Variants in PLD6 observed in about 807,000 individuals in gnomAD.
PLD6 encodes mitochondrial cardiolipin hydrolase.
A neutral mutation model predicts 9.7 loss-of-function variants in PLD6; 10 were observed. The observed-to-expected ratio is 1.03, with a 90% CI of 0.64 to 1.75. PLD6 has a LOEUF of 1.75. Among genes scored for constraint, PLD6 ranks in the 40% most tolerant of loss-of-function variants. The pLI, the probability that PLD6 is intolerant of heterozygous loss-of-function variation, is 0.00. For missense variants in PLD6, 334 were observed against 347.6 expected, an observed-to-expected ratio of 0.96 and a Z score of 0.31; for synonymous variants, 152 against 159.2, an observed-to-expected ratio of 0.96 and a Z score of 0.34.
chr17:17,202,952 C>T lies in PLD6; in HGVS notation c.574G>A (p.Asp192Asn), dbSNP rs368055624. The change falls in exon 2 of 2, where the codon GAC becomes AAC. Residue 192 changes from aspartate (D) to asparagine (N), a missense_variant. Transcript: ENST00000321560. ...TCCAGAAAAAGCCGCACGTACTCGT[C>T]GTCCTCCGTGATGAGAACATTCTCC... The part of the protein sequence containing the change: ...NRENVLITED[D>N]EYVRLFLEEF... 9 of 1,614,098 alleles carry T rather than the reference C, an allele frequency of 5.6e-6. No homozygotes were observed. In the African/African-American group the frequency reaches 6.7e-5, roughly 12 times the overall value.
chr17:17,205,935 C>A lies in PLD6; in HGVS notation c.352G>T (p.Val118Leu). The change falls in exon 1 of 2, where the codon GTG (valine) becomes TTG (leucine). Residue 118 changes from valine (V) to leucine (L), a missense_variant. Physicochemically the swap from Val to Leu is conservative, Grantham distance 32. Transcript: ENST00000321560. ...RAVQLLHQRG[V>L]RVRVVTDCDY... ...CAGTCGGTGACGACCCGCACTCGCA[C>A]CCCACGCTGGTGCAGCAACTGCACG... The A allele has an allele frequency of 6.4e-7, 1 of 1,564,894 alleles. No homozygotes were observed. Among genetic ancestry groups the A allele is most frequent in the Admixed American group, 1.9e-5 (1 of 52,656 alleles).
Position 17,206,196 on chromosome 17 carries a change from G to A in PLD6, c.91C>T (p.Arg31Trp), listed in dbSNP as rs1458535675. Residue 31 changes from arginine to tryptophan, a missense_variant, in exon 1 of 2, where the codon CGG becomes TGG. Transcript: ENST00000321560. ...CGCCGCGGCCGCCGCCGCCTGGACC[G>A]CAGCCAGCGCAGCACCCAAGGCAGC... ...EALPWVLRWLRSRRRRPRREA... is the reference protein window; with the variant it reads ...EALPWVLRWLWSRRRRPRREA... 7 of 1,521,396 alleles carry A rather than the reference G, an allele frequency of 4.6e-6. No individual in the cohort carries two copies. Among genetic ancestry groups the A allele is most frequent in the East Asian group, 5.3e-5 (2 of 37,894 alleles). The allele number at this position is 1,521,396 out of a possible 1,614,324, so 94.2% of individuals were successfully genotyped here.
At position 17,206,182 on chromosome 17, in the gene PLD6, C is replaced by T; in HGVS notation, c.105G>A (p.Arg35=). The T allele has an allele frequency of 2.6e-6, 4 of 1,512,996 alleles. No individual in the cohort carries two copies. The highest frequency in any genetic ancestry group is 3.5e-6 in the Non-Finnish European group (4 of 1,138,808). The allele number at this position is 1,512,996 out of a possible 1,614,324, so 93.7% of individuals were successfully genotyped here. Residue 35 remains arginine (R), a synonymous_variant, in exon 1 of 2, where the codon CGG becomes CGA. Transcript: ENST00000321560. The part of the protein sequence containing the change: ...WVLRWLRSRR[R]RPRREALFFP... ...AGAACAGCGCCTCGCGCCGCGGCCGCCGCCGCCTGGACCGCAGCCAGCGCA... is the reference window on the plus strand; with the variant it reads ...AGAACAGCGCCTCGCGCCGCGGCCGTCGCCGCCTGGACCGCAGCCAGCGCA...
In PLD6 at chr17:17,201,036, C is replaced by A. The variant is rs1050748514; in HGVS notation, c.*1731G>T. The stretch of plus-strand genomic sequence containing the variant: ...TGTTTATTCAGATGTGCCAGAAGTC[C>A]AGGGTCACGCGGCTTCGCATTTAGG... On this transcript the variant is annotated 3_prime_UTR_variant, in exon 2 of 2. Coordinates refer to ENST00000321560, the MANE Select transcript of PLD6 (RefSeq NM_178836.4). 6.6e-6 allele frequency: 1 copy of A among 152,222 alleles called. No homozygotes were observed. The highest frequency in any genetic ancestry group is 1.5e-5 in the Non-Finnish European group (1 of 68,044). The allele number at this position is 152,222 out of a possible 1,614,324, so 9.4% of individuals were successfully genotyped here. A position where few individuals can be genotyped will look rare whatever the true frequency, so the allele number is the denominator to read the frequency against.
Position 17,202,490 on chromosome 17 carries a change from A to G in PLD6, c.*277T>C, listed in dbSNP as rs943362438. ...AGGCACTGTGCCTTTTCTGTGCTGT[A>G]GCAGAAGTTTCGATTCCAAACCAAG... is the stretch of plus-strand genomic sequence containing the variant. On this transcript the variant is annotated 3_prime_UTR_variant, in exon 2 of 2. Coordinates refer to ENST00000321560, the MANE Select transcript of PLD6 (RefSeq NM_178836.4). 22 of 434,376 alleles carry G rather than the reference A, an allele frequency of 5.1e-5. No individual in the cohort carries two copies. Among genetic ancestry groups the G allele is most frequent in the East Asian group, 1.3e-4 (3 of 23,086 alleles). The allele number at this position is 434,376 out of a possible 1,614,324, so 26.9% of individuals were successfully genotyped here.
Position 17,206,092 on chromosome 17 carries a change from G to T in PLD6, c.195C>A (p.Leu65=). The T allele has an allele frequency of 6.7e-7, 1 of 1,487,520 alleles. No homozygotes were observed. The highest frequency in any genetic ancestry group is 8.9e-7 in the Non-Finnish European group (1 of 1,127,974). 92.1% of individuals were successfully genotyped at this position (1,487,520 alleles called of 1,614,324 possible). A position where few individuals can be genotyped will look rare whatever the true frequency, so the allele number is the denominator to read the frequency against. ...LRAPGAELAE[L]PEGCPCGLPH... is the part of the protein sequence containing the mutation. ...GCAGGCCGCACGGGCAGCCCTCGGG[G>T]AGCTCGGCCAGCTCCGCGCCCGGAG... Residue 65 remains leucine, a synonymous_variant, in exon 1 of 2, where the codon CTC becomes CTA. Transcript: ENST00000321560.
In PLD6 at chr17:17,206,122, C is replaced by T. The variant is rs1327823674; in HGVS notation, c.165G>A (p.Leu55=). 2 of 1,487,990 alleles carry T rather than the reference C, an allele frequency of 1.3e-6. No individual in the cohort carries two copies. The highest frequency in any genetic ancestry group is 5.6e-5 in the East Asian group (2 of 35,774). The allele number at this position is 1,487,990 out of a possible 1,614,324, so 92.2% of individuals were successfully genotyped here. A position where few individuals can be genotyped will look rare whatever the true frequency, so the allele number is the denominator to read the frequency against. The change falls in exon 1 of 2, where the codon CTG becomes CTA. Residue 55 remains leucine, a synonymous_variant. Transcript: ENST00000321560. ...CGGCCAGCTCCGCGCCCGGAGCCCGCAGCAGGGCCTCGGTACAGGTCACCT... is the reference window on the plus strand; with the variant it reads ...CGGCCAGCTCCGCGCCCGGAGCCCGTAGCAGGGCCTCGGTACAGGTCACCT... ...PSQVTCTEAL[L]RAPGAELAEL... is the part of the protein sequence containing the mutation.
intron 1 of PLD6, 95 bp from the exon 2 acceptor site, chr17:17,203,193 GT>G: frequency 7.6e-7 from 1 of 1,318,108 alleles, no homozygotes; most frequent in Non-Finnish European, 1.0e-6. Context: ...TATGTTTCCA[GT>G]TTGGTGGGCC....
Position 17,202,782 on chromosome 17 carries a change from G to C in PLD6, c.744C>G (p.Ser248Arg), listed in dbSNP as rs376238600. Residue 248 changes from serine to arginine, a missense_variant, in exon 2 of 2, where the codon AGC (serine) becomes AGG (arginine). Ser to Arg is a moderately radical substitution (Grantham distance 110). Coordinates refer to ENST00000321560, the MANE Select transcript of PLD6 (RefSeq NM_178836.4). The part of the protein sequence containing the change: ...LSWHRTCGTS[S>R]ESQT ...CCATTCTTGGTTAGGTTTGGCTTTC[G>C]CTGGAGGTGCCGCAAGTTCTGTGCC... 1 of 1,613,348 alleles carries C rather than the reference G, an allele frequency of 6.2e-7. No homozygotes were observed. The highest frequency in any genetic ancestry group is 1.1e-5 in the South Asian group (1 of 91,044).
intron 1 of PLD6, chr17:17,204,482 T>C (rs1210950227): frequency 6.6e-6 from 1 of 152,166 alleles, no homozygotes; most frequent in African/African-American, 2.4e-5. Context: ...CCTGGCCTTG[T>C]GCCCTTGTGC....
chr17:17,202,536 A>G lies in PLD6; in HGVS notation c.*231T>C, dbSNP rs1195821607. 3.6e-6 allele frequency: 2 copies of G among 554,102 alleles called. No individual in the cohort carries two copies. Among genetic ancestry groups the G allele is most frequent in the Non-Finnish European group, 6.4e-6 (2 of 310,692 alleles). The allele number at this position is 554,102 out of a possible 1,614,324, so 34.3% of individuals were successfully genotyped here. A position where few individuals can be genotyped will look rare whatever the true frequency, so the allele number is the denominator to read the frequency against. ...CCAAGATACGGACCACACTCATGAAAGCACCCCGTGGCAGGTCGTGACTGA... is the reference window on the plus strand; with the variant it reads ...CCAAGATACGGACCACACTCATGAAGGCACCCCGTGGCAGGTCGTGACTGA... On this transcript the variant is annotated 3_prime_UTR_variant, in exon 2 of 2. Transcript: ENST00000321560.
Position 17,206,310 on chromosome 17 carries a change from AGCCAC to A in PLD6, c.-29_-25del. ...ATGCCGCCGCTAATCCGGGACCCAC[AGCCAC>A]GCCGCCGCAGCGGAGTCTGCGCGCC... On this transcript the variant is annotated 5_prime_UTR_variant, in exon 1 of 2. Transcript: ENST00000321560. 6.6e-7 allele frequency: 1 copy of A among 1,504,706 alleles called. No homozygotes were observed. The highest frequency in any genetic ancestry group is 8.8e-7 in the Non-Finnish European group (1 of 1,137,946). 93.2% of individuals were successfully genotyped at this position (1,504,706 alleles called of 1,614,324 possible).
chr17:17,205,339 T>C (rs1164743985), intron 1 of PLD6, among the ~76,000 whole-genome samples: 1 of 152,178 alleles, frequency 6.6e-6, no homozygotes, highest in Non-Finnish European at 1.5e-5. Context: ...CAGAGCCCAG[T>C]GGCCTGAGAT....
Position 17,202,866 on chromosome 17 carries a change from C to CT in PLD6, c.659dup (p.Lys221GlufsTer56), listed in dbSNP as rs745323315. The CT allele has an allele frequency of 8.1e-6, 13 of 1,614,146 alleles. No homozygotes were observed. The highest frequency in any genetic ancestry group is 9.3e-6 in the Non-Finnish European group (11 of 1,180,030). ...GTGGGGCACAGCTTCCGTGACTTTT[C>CT]TTTGGTGGGAAAAAGGTATACTTTG... On this transcript the variant is annotated frameshift_variant, in exon 2 of 2. Transcript: ENST00000321560. LOFTEE classifies it low-confidence loss of function (END_TRUNC).
Position 17,201,504 on chromosome 17 carries a change from TAAG to T in PLD6, c.*1260_*1262del, listed in dbSNP as rs2046673611. On this transcript the variant is annotated 3_prime_UTR_variant, in exon 2 of 2. Transcript: ENST00000321560. ...GGGAATGCAAACCCTGAGCTGCAAATAAGAACACAGACGTGGGAGACACCACGG... is the reference window on the plus strand; with the variant it reads ...GGGAATGCAAACCCTGAGCTGCAAATAACACAGACGTGGGAGACACCACGG... 1 of 152,218 alleles carries T rather than the reference TAAG, an allele frequency of 6.6e-6. No individual in the cohort carries two copies. Among genetic ancestry groups the T allele is most frequent in the Non-Finnish European group, 1.5e-5 (1 of 68,074 alleles). 9.4% of individuals were successfully genotyped at this position (152,218 alleles called of 1,614,324 possible).
At chr17:17,205,818 G>T in intron 1 of PLD6, 42 bp downstream of exon 1, 2 of 1,541,814 alleles carry the variant, frequency 1.3e-6, no homozygotes, top group Non-Finnish European at 1.7e-6. Context: ...GACCCCGCGT[G>T]GGCCAAGCCG....
chr17:17,202,627 T>C lies in PLD6; in HGVS notation c.*140A>G. ...AATAACTGACCCGAAGTAACAGAAATTTCCCTTTCCTAACCTTCTTTAGTT... is the reference window on the plus strand; with the variant it reads ...AATAACTGACCCGAAGTAACAGAAACTTCCCTTTCCTAACCTTCTTTAGTT... On this transcript the variant is annotated 3_prime_UTR_variant, in exon 2 of 2. Transcript: ENST00000321560. 1 of 858,500 alleles carries C rather than the reference T, an allele frequency of 1.2e-6. No individual in the cohort carries two copies. Among genetic ancestry groups the C allele is most frequent in the African/African-American group, 1.7e-5 (1 of 58,466 alleles). 53.2% of individuals were successfully genotyped at this position (858,500 alleles called of 1,614,324 possible).
rs375574430 is a variant in PLD6 at position 17,205,994 on chromosome 17, A to C, written c.293T>G (p.Leu98Arg). Reference protein sequence around the residue: ...LAARASLDLCLFAFSSPQLGR... With the variant: ...LAARASLDLCRFAFSSPQLGR... ...CAGCTGCGGGCTGGAGAAGGCGAAC[A>C]GGCAGAGATCCAGGCTGGCGCGGGC... Residue 98 changes from leucine (L) to arginine (R), a missense_variant, in exon 1 of 2, where the codon CTG becomes CGG. Leu to Arg is a moderately radical substitution (Grantham distance 102). Transcript: ENST00000321560. 661 of 1,551,714 alleles carry C rather than the reference A, an allele frequency of 4.3e-4. 1 individual carries two copies. The highest frequency in any genetic ancestry group is 5.3e-4 in the Non-Finnish European group (613 of 1,150,748).
intron 1 of PLD6, among the ~76,000 whole-genome samples, 180 bp from the exon 2 acceptor site, chr17:17,203,278 G>T (rs1369216657): frequency 6.6e-6 from 1 of 152,174 alleles, no homozygotes; most frequent in Non-Finnish European, 1.5e-5. Flanking sequence ...CCACAGAGGG[G>T]ACATCACACA....
Sources: allele counts gnomAD v4.1 joint callset (sites outside exome capture counted in the v4.1 genomes callset), GRCh38; gene constraint gnomAD v4.1.1; transcripts MANE v1.5; gene names NCBI Gene and HGNC (gene_info 2026-07-23, HGNC 2026-07-21).